Variants in CTC1 observed in about 807,000 individuals in gnomAD.
CTC1 encodes CST telomere replication complex component 1.
Under a neutral mutation model 136.3 loss-of-function variants are expected in CTC1, and 91 were observed. The ratio of observed to expected loss-of-function variants is 0.67; its 90% CI spans 0.56 to 0.79. The LOEUF (loss-of-function observed/expected upper bound fraction) is 0.79, where lower values mean the gene tolerates loss of function less well. Among genes scored for constraint, CTC1 ranks in the 30% least tolerant of loss-of-function variants. The pLI is 0.00. For synonymous variants in CTC1, 606 were observed against 613.8 expected, an observed-to-expected ratio of 0.99 and a Z score of 0.19; for missense variants, 1,432 against 1,498.1, an observed-to-expected ratio of 0.96 and a Z score of 0.73.
At chr17:8,247,932 G>A in intron 1 of CTC1, 72 bp downstream of exon 1, 1 of 1,506,580 alleles carries the variant, frequency 6.6e-7, no homozygotes, top group South Asian at 1.2e-5. Context: ...ACAAGGCAGA[G>A]GAAATAGGAA....
chr17:8,238,358 G>A (rs910399828), intron 3 of CTC1, 34 bp downstream of exon 3: 18 of 1,594,260 alleles, frequency 1.1e-5, no homozygotes, highest in Non-Finnish European at 1.5e-5. Flanking sequence ...TTCTTGTCAG[G>A]ATCTGAGGCA....
At chr17:8,240,506 A>G (rs1417357411) in intron 2 of CTC1, among the ~76,000 whole-genome samples, 1 of 149,826 alleles carries the variant, frequency 6.7e-6, no homozygotes, top group Non-Finnish European at 1.5e-5. Flanking sequence ...ATTATAGGAA[A>G]AGAAAGGAAA....
chr17:8,243,519 C>CAA (rs796589471), intron 1 of CTC1, among the ~76,000 whole-genome samples: 4 of 89,122 alleles, frequency 4.5e-5, no homozygotes, highest in East Asian at 3.3e-4. Flanking sequence ...AACTCCGTCT[C>CAA]AAAAAAAAAA....
chr17:8,236,866 T>C (rs1987773473), intron 5 of CTC1, among the ~76,000 whole-genome samples: 1 of 152,192 alleles, frequency 6.6e-6, no homozygotes, highest in Non-Finnish European at 1.5e-5. Flanking sequence ...AATTTCTACC[T>C]TGGGTACTAT....
chr17:8,241,120 C>A (rs1396210986), intron 2 of CTC1, among the ~76,000 whole-genome samples: 2 of 151,990 alleles, frequency 1.3e-5, no homozygotes, highest in African/African-American at 2.4e-5. Context: ...AAAACCCCAT[C>A]TCTGCAAAAA....
chr17:8,232,612 A>AC, intron 11 of CTC1, 137 bp from the exon 12 acceptor site: 1 of 718,740 alleles, frequency 1.4e-6, no homozygotes, highest in Non-Finnish European at 2.3e-6. Context: ...CCCACACCTG[A>AC]CCCCCACCTT....
At chr17:8,237,663 CTCAAAAAAAAAAAAAA>C in intron 4 of CTC1, 144 bp from the exon 5 acceptor site, 7 of 46,306 alleles carry the variant, frequency 1.5e-4, no homozygotes, top group East Asian at 6.9e-4. Flanking sequence ...GAAACTACGT[CTCAAAAAAAAAAAAAA>C]AAAAAAAAAA....
chr17:8,235,799 C>A, intron 7 of CTC1, 32 bp downstream of exon 7: 1 of 1,562,524 alleles, frequency 6.4e-7, no homozygotes, highest in Admixed American at 2.0e-5. Flanking sequence ...CTGCAGAGGT[C>A]TCTTTTTGTT....
chr17:8,246,477 T>C lies in CTC1; in HGVS notation c.33+1527A>G, dbSNP rs115492469. Among the ~76,000 whole-genome samples the C allele has an allele frequency of 5.1e-3, 777 of 152,294 alleles. 4 individuals are homozygous for C. The highest frequency in any genetic ancestry group is 0.017 in the African/African-American group (719 of 41,572). The stretch of plus-strand genomic sequence containing the variant: ...TGAACTTTCCACAAAACCCTGTCCT[T>C]TTCTAGAACTCTTCTAGTGTTATGT... On this transcript the variant is annotated intron_variant, in intron 1 of 22. Coordinates refer to ENST00000651323, the MANE Select transcript of CTC1 (RefSeq NM_025099.6).
At chr17:8,235,314 C>T (rs1489338512) in intron 7 of CTC1, 29 bp from the exon 8 acceptor site, 3 of 1,564,930 alleles carry the variant, frequency 1.9e-6, no homozygotes, top group African/African-American at 2.7e-5. Context: ...AATGAAAAAG[C>T]AGAGATGAAG....
At position 8,235,202 on chromosome 17, in the gene CTC1, C is replaced by A. The variant is rs941536745; in HGVS notation, c.1290G>T (p.Leu430=). 6.2e-7 allele frequency: 1 copy of A among 1,614,044 alleles called. No homozygotes were observed. Among genetic ancestry groups the A allele is most frequent in the African/African-American group, 1.3e-5 (1 of 74,928 alleles). Residue 430 remains leucine (L), a synonymous_variant, in exon 8 of 23, where the codon CTG becomes CTT. Coordinates refer to ENST00000651323, the MANE Select transcript of CTC1 (RefSeq NM_025099.6). ...GCTTCTGACGAGAGAAGCTTTGAAG[C>A]AGAACGGCGCCACGGAGGCAGGGGG... The part of the protein sequence containing the change: ...VLAPCLRGAV[L]LQSFSRQKPG...
At chr17:8,240,606 G>A (rs766607270) in intron 2 of CTC1, among the ~76,000 whole-genome samples, 40 of 152,106 alleles carry the variant, frequency 2.6e-4, no homozygotes, top group Non-Finnish European at 3.8e-4. Flanking sequence ...TAGGCCAAGC[G>A]CAGTGGCTCA....
rs752957819 is a variant in CTC1 at position 8,231,802 on chromosome 17, A to C, written c.2399T>G (p.Phe800Cys). Reference sequence around the variant, plus strand: ...AAACCAGCGGACTGAAGAGCCAAAGAAAATGAGGTGAACCTGGGAGGATGG... The same window carrying C: ...AAACCAGCGGACTGAAGAGCCAAAGCAAATGAGGTGAACCTGGGAGGATGG... ...DDNDQKVHLI[F>C]FGSSVRWFEF... Residue 800 changes from phenylalanine to cysteine, a missense_variant, in exon 14 of 23, where the codon TTC becomes TGC. Phe to Cys is a radical substitution (Grantham distance 205). Transcript: ENST00000651323. 3 of 1,614,200 alleles carry C rather than the reference A, an allele frequency of 1.9e-6. No individual in the cohort carries two copies. In the South Asian group the frequency reaches 3.3e-5, roughly 18 times the overall value.
chr17:8,230,408 C>T lies in CTC1; in HGVS notation c.2819G>A (p.Cys940Tyr), dbSNP rs1176962131. 2 of 1,614,158 alleles carry T rather than the reference C, an allele frequency of 1.2e-6. No individual in the cohort carries two copies. The highest frequency in any genetic ancestry group is 1.7e-5 in the Admixed American group (1 of 60,016). ...KLTVALETAE[C>Y]EFPPHLDVYI... is the part of the protein sequence containing the mutation. ...TACATCCAGGTGAGGGGGGAATTCA[C>T]ATTCAGCAGTCTCAAGAGCGACTGT... The change falls in exon 17 of 23, where the codon TGT becomes TAT. Residue 940 changes from cysteine to tyrosine, a missense_variant. Coordinates refer to ENST00000651323, the MANE Select transcript of CTC1 (RefSeq NM_025099.6).
intron 7 of CTC1, 115 bp downstream of exon 7, chr17:8,235,714 AAC>A (rs1987655402): frequency 8.4e-7 from 1 of 1,184,680 alleles, no homozygotes; most frequent in African/African-American, 1.6e-5. Context: ...AGTGCCCCCT[AAC>A]ACACACTTTT....
At chr17:8,233,186 C>A in intron 10 of CTC1, 154 bp from the exon 11 acceptor site, 2 of 769,036 alleles carry the variant, frequency 2.6e-6, no homozygotes, top group Non-Finnish European at 4.1e-6. Flanking sequence ...GTGGGGAAGA[C>A]AGACATAAAA....
intron 6 of CTC1, 27 bp downstream of exon 6, chr17:8,236,022 GGCCCCTCAA>G: frequency 6.3e-7 from 1 of 1,598,784 alleles, no homozygotes; most frequent in Non-Finnish European, 8.6e-7. Flanking sequence ...CCACATTTCT[GGCCCCTCAA>G]GCTCTAGGAT....
In CTC1 at chr17:8,241,063, C is replaced by T. The variant is rs144856206; in HGVS notation, c.197+1922G>A. ...CAGCACTCTGGGAGGCTGAGGTGGG[C>T]GGATCACCTGAGGTCAGGAGTTCAA... On this transcript the variant is annotated intron_variant, in intron 2 of 22. Transcript: ENST00000651323. Among the ~76,000 whole-genome samples the T allele has an allele frequency of 6.5e-3, 951 of 145,196 alleles. 7 individuals are homozygous for T. The highest frequency in any genetic ancestry group is 0.018 in the African/African-American group (692 of 39,446).
rs369120378 is a variant in CTC1 at position 8,229,131 on chromosome 17, T to C, written c.3221+11A>G. 5.0e-6 allele frequency: 8 copies of C among 1,613,286 alleles called. No homozygotes were observed. The highest frequency in any genetic ancestry group is 5.9e-6 in the Non-Finnish European group (7 of 1,179,970). On this transcript the variant is annotated intron_variant, in intron 20 of 22. Coordinates refer to ENST00000651323, the MANE Select transcript of CTC1 (RefSeq NM_025099.6). ...TAAATGGCACAATGGGTGCACGCCT[T>C]GTGCTCTCACCTGATGATGGCCTGG...
Sources: gnomAD v4.1 joint callset for allele counts (sites outside exome capture counted in the v4.1 genomes callset) on GRCh38, gnomAD v4.1.1 for gene constraint, MANE v1.5 for transcripts, NCBI Gene and HGNC (gene_info 2026-07-23, HGNC 2026-07-21) for gene names.